The following LHPP variants were observed in gnomAD, a reference collection of about 807,000 sequenced individuals.
The protein encoded by LHPP is phospholysine phosphohistidine inorganic pyrophosphate phosphatase.
In LHPP, 24 loss-of-function variants were observed where a neutral mutation model predicts 30.3. The observed-to-expected ratio is 0.79, with a 90% CI of 0.57 to 1.11. The LOEUF is 1.11. Ranked by LOEUF, LHPP falls within the 50% of genes most tolerant of loss-of-function variation. The probability of loss-of-function intolerance (pLI) is 0.00; values close to 1 mark genes in which losing one functional copy is unlikely to be tolerated. For missense variants in LHPP, 356 were observed against 367.2 expected (o/e 0.97, Z 0.25); for synonymous variants, 150 against 157.1 (o/e 0.95, Z 0.34).
intron 6 of LHPP, among the ~76,000 whole-genome samples, chr10:124,585,756 A>G (rs1265538784): frequency 2.0e-5 from 3 of 152,118 alleles, no homozygotes; most frequent in Non-Finnish European, 4.4e-5. Context: ...AGCAGGGACC[A>G]TAGGAGTATG....
At chr10:124,495,068 A>G (rs74787639) in intron 3 of LHPP, among the ~76,000 whole-genome samples, 393 of 152,336 alleles carry the variant, frequency 2.6e-3, no homozygotes, top group African/African-American at 9.1e-3. Flanking sequence ...AAAAAGAAAA[A>G]GCAGTACTTT....
chr10:124,461,958 C>A lies in LHPP; in HGVS notation c.96C>A (p.Ala32=). 3 of 1,228,188 alleles carry A rather than the reference C, an allele frequency of 2.4e-6. No individual in the cohort carries two copies. Among genetic ancestry groups the A allele is most frequent in the Non-Finnish European group, 3.1e-6 (3 of 981,512 alleles). The allele number at this position is 1,228,188 out of a possible 1,614,324, so 76.1% of individuals were successfully genotyped here. The change falls in exon 1 of 7, where the codon GCC becomes GCA. Residue 32 remains alanine (A), a synonymous_variant. Coordinates refer to ENST00000368842, the MANE Select transcript of LHPP (RefSeq NM_022126.4). The part of the protein sequence containing the change: ...LYDSGAGGGT[A]IAGSVEAVAR... The stretch of plus-strand genomic sequence containing the variant: ...ACAGCGGCGCGGGCGGCGGCACGGC[C>A]ATCGCCGGCTCGGTGGAGGCGGTGG...
chr10:124,493,899 A>C (rs2154395), intron 3 of LHPP: 17 of 152,014 alleles, frequency 1.1e-4, no homozygotes, highest in Admixed American at 1.1e-3. Flanking sequence ...TCTCTAAAAA[A>C]TGTTTCCAGG....
At chr10:124,502,096 C>T (rs1184085509) in intron 5 of LHPP, among the ~76,000 whole-genome samples, 1 of 151,966 alleles carries the variant, frequency 6.6e-6, no homozygotes, top group Admixed American at 6.5e-5. Flanking sequence ...AAGTTGCAAA[C>T]ATAGTACAAA....
At position 124,508,615 on chromosome 10, in the gene LHPP, TA is replaced by T. The variant is rs548124348; in HGVS notation, c.625-8564del. Among the ~76,000 whole-genome samples, 753 of 151,906 alleles carry T rather than the reference TA, an allele frequency of 5.0e-3. 11 individuals carry two copies. The highest frequency in any genetic ancestry group is 0.017 in the African/African-American group (700 of 41,478). On this transcript the variant is annotated intron_variant, in intron 5 of 6. Transcript: ENST00000368842. ...CTTTTTTTTTTTTTTAAGTAGATTT[TA>T]TTTTCTTCTCAAAACACAAGTATTT... is the stretch of plus-strand genomic sequence containing the variant.
At chr10:124,586,604 A>G (rs956488369) in intron 6 of LHPP, among the ~76,000 whole-genome samples, 2 of 152,228 alleles carry the variant, frequency 1.3e-5, no homozygotes, top group African/African-American at 4.8e-5. Context: ...GTGCAGGTCC[A>G]GGGAGGCTCC....
At chr10:124,536,395 G>C (rs932020833) in intron 6 of LHPP, among the ~76,000 whole-genome samples, 9 of 152,342 alleles carry the variant, frequency 5.9e-5, no homozygotes, top group Non-Finnish European at 1.3e-4. Flanking sequence ...TCCTGCTCCT[G>C]CTCCGAGGCC....
chr10:124,524,508 C>T (rs138155360), intron 6 of LHPP, among the ~76,000 whole-genome samples: 3,569 of 152,198 alleles, frequency 0.023, 153 homozygotes, highest in African/African-American at 0.082. Flanking sequence ...AACTCCTGAC[C>T]TCAAATGATC....
chr10:124,527,578 C>T (rs1001719783), intron 6 of LHPP, among the ~76,000 whole-genome samples: 2 of 152,104 alleles, frequency 1.3e-5, no homozygotes, highest in African/African-American at 4.8e-5. Flanking sequence ...CTGGTAGCCC[C>T]GGGTGCTCTC....
At chr10:124,507,877 T>G (rs937396609) in intron 5 of LHPP, among the ~76,000 whole-genome samples, 16 of 34,734 alleles carry the variant, frequency 4.6e-4, no homozygotes, top group East Asian at 9.7e-4. Context: ...GGTGGGGGGG[T>G]AGGCAGGATT....
intron 6 of LHPP, among the ~76,000 whole-genome samples, chr10:124,604,978 GAGAGGCCGC>G (rs1373379378): frequency 6.6e-6 from 1 of 152,260 alleles, no homozygotes; most frequent in African/African-American, 2.4e-5. Flanking sequence ...GCCCCTCGGG[GAGAGGCCGC>G]ACCCGTCTCC....
At chr10:124,613,145 G>A in intron 6 of LHPP, 119 bp from the exon 7 acceptor site, 1 of 790,742 alleles carries the variant, frequency 1.3e-6, no homozygotes, top group Non-Finnish European at 2.2e-6. Flanking sequence ...AGGCTGCCTG[G>A]CAGGACCTGG....
rs1223556389 is a variant in LHPP, at chr10:124,587,112, ACCT to A, written c.717-26149_717-26147del. Among the ~76,000 whole-genome samples, 6 of 146,440 alleles carry A rather than the reference ACCT, an allele frequency of 4.1e-5. 1 individual carries two copies. The Admixed American group carries it at 4.1e-4, about 10-fold the overall frequency. On this transcript the variant is annotated intron_variant, in intron 6 of 6. Transcript: ENST00000368842. ...CGGCACAATCTTCACTCATTGTAAA[ACCT>A]CCGTCTCCCGGGTTCCAGCGATTCT...
At position 124,576,457 on chromosome 10, in the gene LHPP, C is replaced by T. The variant is rs1948663345; in HGVS notation, c.717-36807C>T. 6.7e-6 allele frequency among the ~76,000 whole-genome samples: 1 copy of T among 149,984 alleles called. No homozygotes were observed. The highest frequency in any genetic ancestry group is 2.5e-5 in the African/African-American group (1 of 40,328). On this transcript the variant is annotated intron_variant, in intron 6 of 6. Coordinates refer to ENST00000368842, the MANE Select transcript of LHPP (RefSeq NM_022126.4). The surrounding 1 kb of genome is among the most constrained non-coding windows in gnomAD (Gnocchi z 4.2). ...GCTCCCAGACCCCCTCATATCCATCCTGCCTCCAGAACCCCTATATCTTGC... is the reference window on the plus strand; with the variant it reads ...GCTCCCAGACCCCCTCATATCCATCTTGCCTCCAGAACCCCTATATCTTGC...
intron 6 of LHPP, among the ~76,000 whole-genome samples, chr10:124,581,938 C>T (rs1427940577): frequency 4.6e-5 from 7 of 152,012 alleles, no homozygotes; most frequent in Admixed American, 2.0e-4. Context: ...CCCACCACCA[C>T]ACCCAGCTAA....
intron 6 of LHPP, among the ~76,000 whole-genome samples, chr10:124,546,602 G>A (rs1197743346): frequency 6.6e-6 from 1 of 152,002 alleles, no homozygotes; most frequent in African/African-American, 2.4e-5. Context: ...AGTAGAGATG[G>A]GGTTTCACCA....
At position 124,498,081 on chromosome 10, in the gene LHPP, G is replaced by C; in HGVS notation, c.577G>C (p.Glu193Gln). The C allele has an allele frequency of 6.2e-7, 1 of 1,614,178 alleles. No individual in the cohort carries two copies. Among genetic ancestry groups the C allele is most frequent in the South Asian group, 1.1e-5 (1 of 91,084 alleles). Residue 193 changes from glutamate (E) to glutamine (Q), a missense_variant, in exon 5 of 7, where the codon GAG becomes CAG. Transcript: ENST00000368842. The part of the protein sequence containing the change: ...KAEVVGKPSP[E>Q]FFKSALQAIG... ...CGAGGTGGTGGGGAAGCCTTCTCCT[G>C]AGTTTTTCAAGTCTGCCCTGCAAGC...
intron 6 of LHPP, among the ~76,000 whole-genome samples, chr10:124,582,842 TC>T (rs66537206): frequency 0.19 from 27,151 of 146,308 alleles, 2,605 homozygotes; most frequent in African/African-American, 0.2. Context: ...TTGTCTCTAT[TC>T]AAAAAAAAAA....
intron 6 of LHPP, among the ~76,000 whole-genome samples, chr10:124,519,207 G>A (rs757931755): frequency 6.6e-6 from 1 of 152,170 alleles, no homozygotes; most frequent in South Asian, 2.1e-4. Flanking sequence ...CTCTTCCTCC[G>A]GAAGTGCTGG....
Sources: allele counts gnomAD v4.1 joint callset (sites outside exome capture counted in the v4.1 genomes callset), GRCh38; gene constraint gnomAD v4.1.1; non-coding constraint Gnocchi (gnomAD v3.1); transcripts MANE v1.5; gene names NCBI Gene and HGNC (gene_info 2026-07-23, HGNC 2026-07-21).